The following WWC2 variants were observed in gnomAD, a reference collection of about 807,000 sequenced individuals.
The protein encoded by WWC2 is protein WWC2.
WWC2 carries 101 observed loss-of-function variants against 138.5 expected under a neutral mutation model. That is an observed-to-expected ratio of 0.73 (90% CI 0.62 to 0.86). The LOEUF (loss-of-function observed/expected upper bound fraction) is 0.86, where lower values mean the gene tolerates loss of function less well. Ranked by LOEUF, WWC2 falls within the 40% of genes least tolerant of loss-of-function variation. WWC2 has a pLI of 0.00. For synonymous variants in WWC2, 558 were observed against 538.4 expected (o/e 1.04, Z -0.50); for missense variants, 1,420 against 1,419.4 (o/e 1.00, Z -0.01).
At chr4:183,300,827 T>G (rs1738811805) in intron 21 of WWC2, among the ~76,000 whole-genome samples, 1 of 151,940 alleles carries the variant, frequency 6.6e-6, no homozygotes, top group Non-Finnish European at 1.5e-5. Flanking sequence ...GTTGAAAACA[T>G]CAGCAGCCAT....
chr4:183,145,013 A>G (rs545821860), intron 1 of WWC2, among the ~76,000 whole-genome samples: 8 of 152,242 alleles, frequency 5.3e-5, no homozygotes, highest in Admixed American at 1.3e-4. Flanking sequence ...TGCTGTGCTC[A>G]TAGAATTCCC....
intron 1 of WWC2, among the ~76,000 whole-genome samples, chr4:183,185,608 C>T (rs1405050871): frequency 6.6e-6 from 1 of 151,938 alleles, no homozygotes; most frequent in Non-Finnish European, 1.5e-5. Context: ...TCCTTTTATT[C>T]GTAACTAGAC....
intron 1 of WWC2, among the ~76,000 whole-genome samples, chr4:183,162,062 GA>G: frequency 6.6e-6 from 1 of 152,228 alleles, no homozygotes; most frequent in African/African-American, 2.4e-5. Flanking sequence ...AAGTACAAAG[GA>G]AAAATTGTTG....
intron 2 of WWC2, among the ~76,000 whole-genome samples, chr4:183,194,981 T>G (rs1245256911): frequency 6.6e-6 from 1 of 152,256 alleles, no homozygotes. Context: ...CCTGAAAGTT[T>G]CTGAAAGTTC....
rs139240732 is a variant in WWC2, at chr4:183,239,142, C to T, written c.523-1041C>T. Among the ~76,000 whole-genome samples the T allele has an allele frequency of 8.0e-3, 1,211 of 152,132 alleles. 29 individuals carry two copies. Among genetic ancestry groups the T allele is most frequent in the African/African-American group, 0.027 (1,139 of 41,498 alleles). The stretch of plus-strand genomic sequence containing the variant: ...CCAGCCTGGGCAACATGGTCAAACC[C>T]CATCTCTACTAAAAACACAAAAACT... On this transcript the variant is annotated intron_variant, in intron 4 of 22. Coordinates refer to ENST00000403733, the MANE Select transcript of WWC2 (RefSeq NM_024949.6).
chr4:183,266,064 G>A lies in WWC2; in HGVS notation c.2207+113G>A, dbSNP rs569368760. Reference sequence around the variant, plus strand: ...ATGAAGATACGGAAAAGACATAGCAGGGCTGATCATGTCTAAATGAATGGC... The same window carrying A: ...ATGAAGATACGGAAAAGACATAGCAAGGCTGATCATGTCTAAATGAATGGC... On this transcript the variant is annotated intron_variant, in intron 14 of 22. Transcript: ENST00000403733. The A allele has an allele frequency of 3.2e-5, 31 of 971,134 alleles. No individual in the cohort carries two copies. In the African/African-American group the frequency reaches 4.2e-4, roughly 13 times the overall value. The allele number at this position is 971,134 out of a possible 1,614,324, so 60.2% of individuals were successfully genotyped here.
At chr4:183,129,926 G>A (rs1732870578) in intron 1 of WWC2, among the ~76,000 whole-genome samples, 1 of 152,126 alleles carries the variant, frequency 6.6e-6, no homozygotes, top group Non-Finnish European at 1.5e-5. Context: ...TTTCTCTTCA[G>A]CAGAGTGCAG....
chr4:183,223,189 A>T (rs1011498610), intron 4 of WWC2, among the ~76,000 whole-genome samples: 6 of 152,214 alleles, frequency 3.9e-5, no homozygotes, highest in African/African-American at 1.4e-4. Context: ...GTAGCCTAAG[A>T]CAATAGGCTA....
At chr4:183,236,153 G>C (rs896192251) in intron 4 of WWC2, among the ~76,000 whole-genome samples, 1 of 152,128 alleles carries the variant, frequency 6.6e-6, no homozygotes, top group Non-Finnish European at 1.5e-5. Context: ...TGTCAAAAAT[G>C]AGTTCACTGT....
chr4:183,179,874 C>T (rs1734576404), intron 1 of WWC2, among the ~76,000 whole-genome samples: 1 of 152,102 alleles, frequency 6.6e-6, no homozygotes, highest in Non-Finnish European at 1.5e-5. Flanking sequence ...ATGTGTTTGG[C>T]ATGCAGAGAT....
chr4:183,284,262 G>A lies in WWC2; in HGVS notation c.2920G>A (p.Asp974Asn), dbSNP rs201783783. Reference sequence around the variant, plus strand: ...GACAAACACTGATGAAGCCGCTAATGACAATATGGCAGTTCGCCCCAAAGA... The same window carrying A: ...GACAAACACTGATGAAGCCGCTAATAACAATATGGCAGTTCGCCCCAAAGA... ...KETNTDEAAN[D>N]NMAVRPKERS... The change falls in exon 19 of 23, where the codon GAC (aspartate) becomes AAC (asparagine). Residue 974 changes from aspartate (D) to asparagine (N), a missense_variant. Asp to Asn is a conservative substitution (Grantham distance 23). Coordinates refer to ENST00000403733, the MANE Select transcript of WWC2 (RefSeq NM_024949.6). 67 of 1,613,848 alleles carry A rather than the reference G, an allele frequency of 4.2e-5. No homozygotes were observed. The Middle Eastern group carries it at 4.9e-4, about 12-fold the overall frequency.
intron 2 of WWC2, among the ~76,000 whole-genome samples, chr4:183,197,786 T>G (rs1735184219): frequency 1.3e-5 from 2 of 152,334 alleles, no homozygotes. Context: ...AAAAATGCAC[T>G]GATTTTAAGC....
intron 20 of WWC2, among the ~76,000 whole-genome samples, chr4:183,288,647 T>C (rs1033500454): frequency 4.6e-5 from 7 of 152,222 alleles, no homozygotes; most frequent in Admixed American, 3.9e-4. Context: ...CTCTTCCTAG[T>C]ACTTTGCCTG....
intron 4 of WWC2, among the ~76,000 whole-genome samples, chr4:183,225,548 AC>A (rs1227941778): frequency 6.6e-6 from 1 of 152,232 alleles, no homozygotes; most frequent in Non-Finnish European, 1.5e-5. Flanking sequence ...TAAATTAGTC[AC>A]AAAACATTTA....
intron 20 of WWC2, among the ~76,000 whole-genome samples, chr4:183,288,460 T>G (rs1346865750): frequency 6.6e-6 from 1 of 152,206 alleles, no homozygotes; most frequent in African/African-American, 2.4e-5. Context: ...TGGTAGAGTC[T>G]CACCTCTCAC....
chr4:183,280,165 A>C, intron 16 of WWC2, among the ~76,000 whole-genome samples: 1 of 139,150 alleles, frequency 7.2e-6, no homozygotes, highest in Non-Finnish European at 1.5e-5. Flanking sequence ...TTCCAGTTTT[A>C]CTCTCCATAA....
At chr4:183,178,418 A>AAATAAATAAATT (rs1553965345) in intron 1 of WWC2, among the ~76,000 whole-genome samples, 9 of 148,562 alleles carry the variant, frequency 6.1e-5, no homozygotes, top group Middle Eastern at 3.4e-3. Context: ...ATAAATAAAT[A>AAATAAATAAATT]AATTTAAAAA....
chr4:183,139,183 A>G (rs1733214001), intron 1 of WWC2, among the ~76,000 whole-genome samples: 1 of 152,208 alleles, frequency 6.6e-6, no homozygotes, highest in Non-Finnish European at 1.5e-5. Flanking sequence ...ATCAAGGTTC[A>G]GTTGGGAGTC....
At position 183,260,908 on chromosome 4, in the gene WWC2, A is replaced by G. The variant is rs1186411840; in HGVS notation, c.1287-2A>G. 6.2e-7 allele frequency: 1 copy of G among 1,612,590 alleles called. No individual in the cohort carries two copies. Among genetic ancestry groups the G allele is most frequent in the East Asian group, 2.2e-5 (1 of 44,860 alleles). On this transcript the variant is annotated splice_acceptor_variant, in intron 10 of 22. Transcript: ENST00000403733. LOFTEE classifies it high-confidence loss of function. ...TTATGGTGTGTGCTTTTTGTCTTTC[A>G]GCCTCTCTGCCAGCACCCTGTCCAT...
Sources: gnomAD v4.1 joint callset for allele counts (sites outside exome capture counted in the v4.1 genomes callset) on GRCh38, gnomAD v4.1.1 for gene constraint, MANE v1.5 for transcripts, NCBI Gene and HGNC (gene_info 2026-07-23, HGNC 2026-07-21) for gene names.